The following SGCD variants were observed in gnomAD, a reference collection of about 807,000 sequenced individuals.
SGCD encodes the protein delta-sarcoglycan.
A neutral mutation model predicts 36.6 loss-of-function variants in SGCD; 18 were observed. That is an observed-to-expected ratio of 0.49 (90% CI 0.34 to 0.73). SGCD has a LOEUF of 0.73. Among genes scored for constraint, SGCD ranks in the 30% least tolerant of loss-of-function variants. The probability of loss-of-function intolerance (pLI) is 0.01; values close to 1 mark genes in which losing one functional copy is unlikely to be tolerated. For synonymous variants in SGCD, 133 were observed against 130.6 expected (o/e 1.02, Z -0.12); for missense variants, 387 against 346.7 (o/e 1.12, Z -0.92).
chr5:156,643,767 TG>T (rs1763128394), intron 6 of SGCD, among the ~76,000 whole-genome samples: 1 of 152,182 alleles, frequency 6.6e-6, no homozygotes, highest in African/African-American at 2.4e-5. Context: ...TAATCTAATA[TG>T]GGTATAAAAC....
chr5:156,307,750 T>G (rs565875798), intron 3 of SGCD, among the ~76,000 whole-genome samples: 3 of 152,052 alleles, frequency 2.0e-5, no homozygotes, highest in Non-Finnish European at 4.4e-5. Context: ...TATTTTAATT[T>G]ATATCAGGTT....
chr5:156,531,467 C>G (rs1430150317), intron 4 of SGCD, among the ~76,000 whole-genome samples: 1 of 152,174 alleles, frequency 6.6e-6, no homozygotes, highest in African/African-American at 2.4e-5. Flanking sequence ...AAGAAGATGA[C>G]TAACCCCAAT....
intron 1 of SGCD, among the ~76,000 whole-genome samples, chr5:155,876,806 G>A (rs1303617556): frequency 6.6e-6 from 1 of 152,066 alleles, no homozygotes; most frequent in Non-Finnish European, 1.5e-5. Flanking sequence ...TAGGTACAAG[G>A]ATATTCTGCC....
intron 4 of SGCD, among the ~76,000 whole-genome samples, chr5:156,514,578 T>TA (rs1296123879): frequency 2.6e-5 from 4 of 152,334 alleles, no homozygotes; most frequent in African/African-American, 7.2e-5. Flanking sequence ...TTTTATCCCG[T>TA]AAAAAATCTT....
intron 3 of SGCD, among the ~76,000 whole-genome samples, chr5:156,445,796 T>TCACACACACACACACGCACATG (rs1753732004): frequency 6.6e-6 from 1 of 151,262 alleles, no homozygotes; most frequent in Non-Finnish European, 1.5e-5. Flanking sequence ...CCCCAAAATA[T>TCACACACACACACACGCACATG]CACACACACA....
At chr5:156,139,533 T>C (rs536879851) in intron 3 of SGCD, among the ~76,000 whole-genome samples, 1 of 152,314 alleles carries the variant, frequency 6.6e-6, no homozygotes, top group East Asian at 1.9e-4. Flanking sequence ...TAGGAAATGC[T>C]TTGTCTCTCT....
chr5:156,328,557 T>C (rs1288673882), intron 1 of SGCD, among the ~76,000 whole-genome samples: 1 of 152,174 alleles, frequency 6.6e-6, no homozygotes, highest in East Asian at 1.9e-4. Flanking sequence ...CCAGCATTTC[T>C]CATTGCTTCC....
intron 3 of SGCD, among the ~76,000 whole-genome samples, chr5:156,364,708 G>A (rs1769996453): frequency 6.6e-6 from 1 of 152,190 alleles, no homozygotes; most frequent in South Asian, 2.1e-4. Context: ...AAGAAATGAG[G>A]ACTGGCTATT....
intron 8 of SGCD, 45 bp downstream of exon 8, chr5:156,757,749 C>A (rs767400032): frequency 1.6e-5 from 26 of 1,579,192 alleles, no homozygotes; most frequent in Non-Finnish European, 1.5e-5. Flanking sequence ...ACAGCTTCAA[C>A]AGGCCAACCC....
At chr5:156,567,754 T>C (rs1167768242) in intron 4 of SGCD, among the ~76,000 whole-genome samples, 2 of 152,200 alleles carry the variant, frequency 1.3e-5, no homozygotes, top group African/African-American at 4.8e-5. Flanking sequence ...TTGCAGCTTC[T>C]TAGAATGTAG....
At chr5:156,214,940 A>C (rs1009721710) in intron 3 of SGCD, among the ~76,000 whole-genome samples, 1 of 152,104 alleles carries the variant, frequency 6.6e-6, no homozygotes, top group African/African-American at 2.4e-5. Flanking sequence ...AGATGCAAAA[A>C]TAAAATCAAA....
In SGCD at chr5:156,050,176, G is replaced by A. The variant is rs1247693609; in HGVS notation, c.-281-67702G>A. 2.7e-5 allele frequency among the ~76,000 whole-genome samples: 4 copies of A among 146,294 alleles called. 1 individual carries two copies. Among genetic ancestry groups the A allele is most frequent in the East Asian group, 1.9e-4 (1 of 5,196 alleles). ...CGCATGCCATAGAGAAATCTTTCAC[G>A]AAAAGAAGAACCAACTGATGCTACA... is the stretch of plus-strand genomic sequence containing the variant. On this transcript the variant is annotated intron_variant, in intron 1 of 9. Coordinates refer to the SGCD transcript ENST00000517913.
intron 3 of SGCD, among the ~76,000 whole-genome samples, chr5:156,171,087 G>A (rs1365637789): frequency 2.0e-5 from 3 of 152,144 alleles, no homozygotes; most frequent in African/African-American, 7.2e-5. Context: ...TGTCTTTGCG[G>A]TTTGGACATT....
At chr5:156,370,525 G>A (rs1370123208) in intron 3 of SGCD, among the ~76,000 whole-genome samples, 1 of 152,138 alleles carries the variant, frequency 6.6e-6, no homozygotes, top group African/African-American at 2.4e-5. Flanking sequence ...TTCATGAAGG[G>A]CCTATTACTA....
intron 1 of SGCD, among the ~76,000 whole-genome samples, chr5:156,003,913 A>G (rs1414518554): frequency 6.6e-6 from 1 of 152,208 alleles, no homozygotes; most frequent in African/African-American, 2.4e-5. Flanking sequence ...CAAGTAACAG[A>G]TCAAAGCATC....
chr5:155,913,937 C>T (rs1366861283), intron 1 of SGCD, among the ~76,000 whole-genome samples: 2 of 152,128 alleles, frequency 1.3e-5, no homozygotes, highest in African/African-American at 4.8e-5. Context: ...GAAATCTAAA[C>T]CCAAAGGTGA....
chr5:155,738,951 AAGAGAG>A, the SGCD span, among the ~76,000 whole-genome samples: 3 of 151,730 alleles, frequency 2.0e-5, no homozygotes, highest in African/African-American at 7.3e-5. Context: ...GTGAGAGAGA[AAGAGAG>A]AGAGAAAGAG....
At chr5:156,391,095 A>C (rs943505557) in intron 3 of SGCD, among the ~76,000 whole-genome samples, 4 of 152,206 alleles carry the variant, frequency 2.6e-5, no homozygotes, top group African/African-American at 9.7e-5. Context: ...TCCATTCAAG[A>C]AAGTGCCCTA....
At chr5:156,244,301 T>C (rs1404549847) in intron 3 of SGCD, among the ~76,000 whole-genome samples, 2 of 152,160 alleles carry the variant, frequency 1.3e-5, no homozygotes, top group Admixed American at 1.3e-4. Context: ...GAAAGAGCCT[T>C]AAAGGCCCAG....
Sources: gnomAD v4.1 joint callset for allele counts (sites outside exome capture counted in the v4.1 genomes callset) on GRCh38, gnomAD v4.1.1 for gene constraint, MANE v1.5 for transcripts, NCBI Gene and HGNC (gene_info 2026-07-23, HGNC 2026-07-21) for gene names.